TTC7A: variants seen among roughly 807,000 people sequenced by gnomAD.
TTC7A encodes the protein tetratricopeptide repeat domain 7A, also known as tetratricopeptide repeat protein 7A.
A neutral mutation model predicts 103.7 loss-of-function variants in TTC7A; 110 were observed. The observed-to-expected ratio is 1.06, with a 90% CI of 0.91 to 1.24. The LOEUF is 1.24. Ranked by LOEUF, TTC7A falls within the 50% of genes most tolerant of loss-of-function variation. The pLI is 0.00. For synonymous variants in TTC7A, 521 were observed against 467.9 expected, an observed-to-expected ratio of 1.11 and a Z score of -1.47; for missense variants, 1,340 against 1,116.3, an observed-to-expected ratio of 1.20 and a Z score of -2.86.
In TTC7A at chr2:47,051,761, C is replaced by T; in HGVS notation, c.2033C>T (p.Ser678Leu). 7 of 1,610,202 alleles carry T rather than the reference C, an allele frequency of 4.3e-6. No individual in the cohort carries two copies. Among genetic ancestry groups the T allele is most frequent in the African/African-American group, 2.7e-5 (2 of 74,990 alleles). The change falls in exon 18 of 20, where the codon TCG (serine) becomes TTG (leucine). Residue 678 changes from serine to leucine, a missense_variant. Transcript: ENST00000319190. ...HDADSGSRRASSIAASRLEEA... is the reference protein window; with the variant it reads ...HDADSGSRRALSIAASRLEEA... ...TGCTCTGCAGGCTCCCGGCGGGCTTCGTCCATCGCCGCCTCCCGGCTGGAG... is the reference window on the plus strand; with the variant it reads ...TGCTCTGCAGGCTCCCGGCGGGCTTTGTCCATCGCCGCCTCCCGGCTGGAG...
intron 11 of TTC7A, among the ~76,000 whole-genome samples, chr2:47,015,942 G>A (rs1291967164): frequency 6.6e-6 from 1 of 152,212 alleles, no homozygotes; most frequent in African/African-American, 2.4e-5. Context: ...GGGCTCGTGG[G>A]AAGGAACTAA....
At chr2:46,916,627 G>GT in intron 1 of TTC7A, 3 of 156,274 alleles carry the variant, frequency 1.9e-5, no homozygotes, top group South Asian at 1.9e-4. Context: ...CGGTCGTTTT[G>GT]TTTTTTTGTT....
chr2:47,034,569 C>T (rs1156587106), intron 15 of TTC7A, among the ~76,000 whole-genome samples: 1 of 152,120 alleles, frequency 6.6e-6, no homozygotes, highest in East Asian at 1.9e-4. Flanking sequence ...CCATAGTAAC[C>T]AAACAAAGTT....
chr2:46,967,422 C>T (rs1672959186), intron 3 of TTC7A, among the ~76,000 whole-genome samples: 1 of 152,182 alleles, frequency 6.6e-6, no homozygotes, highest in Non-Finnish European at 1.5e-5. Context: ...TTCCCTCCTC[C>T]CCTAACCCCT....
At chr2:47,015,812 A>G (rs936759353) in intron 11 of TTC7A, among the ~76,000 whole-genome samples, 1 of 152,212 alleles carries the variant, frequency 6.6e-6, no homozygotes, top group Non-Finnish European at 1.5e-5. Flanking sequence ...TTGATGAGGC[A>G]GGGGAGAAAG....
At chr2:46,995,780 C>T (rs1676116322) in intron 8 of TTC7A, among the ~76,000 whole-genome samples, 1 of 152,248 alleles carries the variant, frequency 6.6e-6, no homozygotes, top group Non-Finnish European at 1.5e-5. Context: ...AGACCCTGCT[C>T]TAGACACCAG....
intron 11 of TTC7A, among the ~76,000 whole-genome samples, chr2:47,019,474 C>T (rs1235554427): frequency 6.6e-6 from 1 of 151,976 alleles, no homozygotes; most frequent in East Asian, 1.9e-4. Context: ...AATGCTGACA[C>T]CAGGCTTAGA....
chr2:47,061,831 T>C (rs757807232), intron 19 of TTC7A, among the ~76,000 whole-genome samples: 2 of 148,640 alleles, frequency 1.3e-5, no homozygotes, highest in East Asian at 1.9e-4. Flanking sequence ...CGGATAAATA[T>C]AGTGATCTGG....
chr2:46,993,324 A>G (rs1021044758), intron 5 of TTC7A, 126 bp from the exon 6 acceptor site: 1 of 838,844 alleles, frequency 1.2e-6, no homozygotes, highest in Non-Finnish European at 2.0e-6. Flanking sequence ...TTTTCACTCC[A>G]GTTATCGAAT....
intron 3 of TTC7A, among the ~76,000 whole-genome samples, chr2:46,962,798 C>T (rs1672502043): frequency 6.6e-6 from 1 of 152,230 alleles, no homozygotes; most frequent in South Asian, 2.1e-4. Context: ...GCTGCTGCTT[C>T]TGGGCAGCCC....
intron 14 of TTC7A, among the ~76,000 whole-genome samples, chr2:47,025,410 G>C (rs1337234780): frequency 1.3e-5 from 2 of 152,192 alleles, no homozygotes; most frequent in Non-Finnish European, 2.9e-5. Flanking sequence ...TTGGGGCCCT[G>C]AGAGCATGCT....
intron 4 of TTC7A, among the ~76,000 whole-genome samples, chr2:46,975,511 T>G (rs1673790396): frequency 6.6e-6 from 1 of 151,786 alleles, no homozygotes; most frequent in Admixed American, 6.6e-5. Context: ...TCTCCGAGCC[T>G]TTCAGAGGCT....
intron 15 of TTC7A, among the ~76,000 whole-genome samples, chr2:47,033,765 G>T (rs976133726): frequency 1.3e-5 from 2 of 152,204 alleles, no homozygotes; most frequent in African/African-American, 4.8e-5. Context: ...AGTAGGGAGG[G>T]GAGAGGAGGC....
chr2:46,923,413 C>T (rs1209318926), intron 2 of TTC7A, among the ~76,000 whole-genome samples: 1 of 152,208 alleles, frequency 6.6e-6, no homozygotes, highest in Non-Finnish European at 1.5e-5. Flanking sequence ...AAGAAGACAT[C>T]ACTGTGGAGT....
intron 8 of TTC7A, among the ~76,000 whole-genome samples, chr2:47,002,669 C>G (rs1240948314): frequency 2.6e-5 from 4 of 152,128 alleles, no homozygotes; most frequent in African/African-American, 9.7e-5. Context: ...GCCCTGGCCC[C>G]TGAGCTGCAC....
upstream of TTC7A, among the ~76,000 whole-genome samples, chr2:46,940,482 T>C (rs187021787): frequency 7.9e-5 from 12 of 152,298 alleles, no homozygotes; most frequent in East Asian, 2.3e-3. The surrounding 1 kb of genome is among the most constrained non-coding windows in gnomAD (Gnocchi z 4.7). Flanking sequence ...TCCTGTGAAC[T>C]TCTGGGCACC....
At position 46,962,299 on chromosome 2, in the gene TTC7A, G is replaced by C. The variant is rs148219430; in HGVS notation, c.517+5292G>C. ...GTGTCCTGTGCTGAGAGCTTCCCTT[G>C]GTTGTTCAGCCTGCAACATCGTCTC... On this transcript the variant is annotated intron_variant, in intron 3 of 19. Coordinates refer to ENST00000319190, the MANE Select transcript of TTC7A (RefSeq NM_020458.4). Among the ~76,000 whole-genome samples the C allele has an allele frequency of 3.7e-4, 57 of 152,234 alleles. 1 individual carries two copies. The highest frequency in any genetic ancestry group is 6.2e-4 in the South Asian group (3 of 4,824).
chr2:46,929,135 C>G (rs539422912), intron 2 of TTC7A, among the ~76,000 whole-genome samples: 1 of 152,128 alleles, frequency 6.6e-6, no homozygotes, highest in Admixed American at 6.5e-5. Context: ...TGCACCCCAG[C>G]CTGGGGCAAT....
intron 5 of TTC7A, among the ~76,000 whole-genome samples, chr2:46,982,015 C>A (rs180747268): frequency 1.3e-5 from 2 of 152,324 alleles, no homozygotes; most frequent in Non-Finnish European, 2.9e-5. Flanking sequence ...CTCTTTCTCT[C>A]CACCCTGCCC....
Sources: allele counts gnomAD v4.1 joint callset (sites outside exome capture counted in the v4.1 genomes callset), GRCh38; gene constraint gnomAD v4.1.1; non-coding constraint Gnocchi (gnomAD v3.1); transcripts MANE v1.5; gene names NCBI Gene and HGNC (gene_info 2026-07-23, HGNC 2026-07-21).